Variants in DCC observed in about 807,000 individuals in gnomAD.
DCC encodes netrin receptor DCC.
DCC carries 58 observed loss-of-function variants against 172.5 expected under a neutral mutation model. The ratio of observed to expected loss-of-function variants is 0.34; its 90% CI spans 0.27 to 0.42. DCC has a LOEUF of 0.42. DCC is among the 10% of genes least tolerant of loss of function. The probability of loss-of-function intolerance (pLI) is 1.00; values close to 1 mark genes in which losing one functional copy is unlikely to be tolerated. For synonymous variants in DCC, 709 were observed against 644.5 expected (o/e 1.10, Z -1.52); for missense variants, 1,740 against 1,791.0 (o/e 0.97, Z 0.51).
At chr18:53,074,713 G>A (rs535173253) in intron 7 of DCC, among the ~76,000 whole-genome samples, 1 of 152,004 alleles carries the variant, frequency 6.6e-6, no homozygotes, top group Non-Finnish European at 1.5e-5. Flanking sequence ...ATCTAAGTTT[G>A]GCATAAAGCA....
chr18:52,923,756 A>G lies in DCC; in HGVS notation c.747A>G (p.Val249=). The G allele has an allele frequency of 6.2e-7, 1 of 1,610,612 alleles. No individual in the cohort carries two copies. The highest frequency in any genetic ancestry group is 8.5e-7 in the Non-Finnish European group (1 of 1,177,010). ...QLYFLQRPSN[V]VAIEGKDAVL... ...ATTTTCTGCAAAGACCATCCAATGTAGTAGCCATTGAAGGAAAAGATGCTG... is the reference window on the plus strand; with the variant it reads ...ATTTTCTGCAAAGACCATCCAATGTGGTAGCCATTGAAGGAAAAGATGCTG... The change falls in exon 4 of 29, where the codon GTA becomes GTG. Residue 249 remains valine, a synonymous_variant. Coordinates refer to ENST00000442544, the MANE Select transcript of DCC (RefSeq NM_005215.4).
At chr18:52,356,782 T>C (rs1984383258) in intron 1 of DCC, among the ~76,000 whole-genome samples, 1 of 107,752 alleles carries the variant, frequency 9.3e-6, no homozygotes. Flanking sequence ...CTGGAAAACC[T>C]AAATCATTTT....
chr18:53,117,320 T>G (rs1260471631), intron 7 of DCC, among the ~76,000 whole-genome samples: 1 of 151,762 alleles, frequency 6.6e-6, no homozygotes, highest in African/African-American at 2.4e-5. Context: ...AAGCAGCAAG[T>G]TTCACTTGCT....
At chr18:53,040,821 A>G (rs1455428396) in intron 5 of DCC, among the ~76,000 whole-genome samples, 1 of 151,980 alleles carries the variant, frequency 6.6e-6, no homozygotes, top group Middle Eastern at 3.2e-3. Flanking sequence ...AAAACCCACC[A>G]GGGAGCTGCA....
At chr18:52,491,852 C>T (rs2030517637) in intron 1 of DCC, among the ~76,000 whole-genome samples, 1 of 151,928 alleles carries the variant, frequency 6.6e-6, no homozygotes, top group Non-Finnish European at 1.5e-5. Context: ...TTAGTGGAAA[C>T]TGGGATGTTT....
intron 5 of DCC, among the ~76,000 whole-genome samples, chr18:52,998,878 A>G (rs2041523215): frequency 6.6e-6 from 1 of 152,018 alleles, no homozygotes; most frequent in Non-Finnish European, 1.5e-5. Flanking sequence ...CTGAATTAGC[A>G]ATTAAATCGT....
chr18:52,855,809 A>G (rs1488016564), intron 2 of DCC, among the ~76,000 whole-genome samples: 4 of 128,828 alleles, frequency 3.1e-5, no homozygotes, highest in African/African-American at 1.1e-4. Context: ...CTTGTTGCCC[A>G]GACTGGAGTA....
intron 3 of DCC, among the ~76,000 whole-genome samples, chr18:52,909,914 G>A (rs569657304): frequency 6.6e-6 from 1 of 152,228 alleles, no homozygotes; most frequent in South Asian, 2.1e-4. Flanking sequence ...TACTAGCTAG[G>A]CAAAGAGAAG....
chr18:53,205,940 A>G (rs2055619249), intron 10 of DCC, among the ~76,000 whole-genome samples: 1 of 151,852 alleles, frequency 6.6e-6, no homozygotes, highest in Non-Finnish European at 1.5e-5. Context: ...ACTAAAAGTA[A>G]AAAGGTCTTT....
chr18:52,866,129 A>G (rs774603390), intron 2 of DCC, among the ~76,000 whole-genome samples: 26 of 152,118 alleles, frequency 1.7e-4, no homozygotes, highest in East Asian at 5.8e-4. Context: ...GATTTTCCCA[A>G]TGCTATTTAT....
intron 1 of DCC, among the ~76,000 whole-genome samples, chr18:52,487,808 CTCAAA>C: frequency 2.4e-5 from 1 of 40,974 alleles, no homozygotes. Context: ...GAGACTCCAC[CTCAAA>C]AAAAAAAAAA....
At chr18:52,975,383 CA>C (rs2041100400) in intron 5 of DCC, among the ~76,000 whole-genome samples, 1 of 152,066 alleles carries the variant, frequency 6.6e-6, no homozygotes. Flanking sequence ...ATTCTAAGTT[CA>C]GGGGTACTCG....
Position 52,372,121 on chromosome 18 carries a change from T to C in DCC, c.91+31243T>C, listed in dbSNP as rs1598870286. ...AGCCAGTGAGTATTGGGGTGAACAA[T>C]GCTTTAGTTATGCCCTCTTCTTTTG... is the stretch of plus-strand genomic sequence containing the variant. On this transcript the variant is annotated intron_variant, in intron 1 of 28. Transcript: ENST00000442544. 2.0e-5 allele frequency among the ~76,000 whole-genome samples: 3 copies of C among 152,348 alleles called. No homozygotes were observed. In the East Asian group the frequency reaches 5.8e-4, roughly 29 times the overall value.
At chr18:52,353,680 C>T (rs1984231573) in intron 1 of DCC, among the ~76,000 whole-genome samples, 1 of 152,200 alleles carries the variant, frequency 6.6e-6, no homozygotes, top group Non-Finnish European at 1.5e-5. Context: ...TTTTGCTCTG[C>T]ACTGCCTGGC....
intron 5 of DCC, among the ~76,000 whole-genome samples, chr18:52,933,613 G>A (rs2040340508): frequency 1.3e-5 from 2 of 152,024 alleles, no homozygotes; most frequent in African/African-American, 4.8e-5. Flanking sequence ...TGCTCATGTG[G>A]TTAGATTTAT....
intron 21 of DCC, among the ~76,000 whole-genome samples, chr18:53,422,628 A>G (rs1349240065): frequency 6.6e-6 from 1 of 152,170 alleles, no homozygotes; most frequent in Non-Finnish European, 1.5e-5. Context: ...TTTACACCTC[A>G]GCAGTTTTAA....
chr18:53,300,466 T>C (rs986207983), intron 12 of DCC, among the ~76,000 whole-genome samples: 4 of 152,140 alleles, frequency 2.6e-5, no homozygotes, highest in African/African-American at 9.7e-5. Flanking sequence ...CAGAGTGGAG[T>C]GCTGAAGCAC....
intron 1 of DCC, among the ~76,000 whole-genome samples, chr18:52,616,054 C>T (rs989964942): frequency 6.6e-6 from 1 of 152,014 alleles, no homozygotes; most frequent in Non-Finnish European, 1.5e-5. Flanking sequence ...ACTGAATTCC[C>T]ATATTACTAG....
chr18:52,340,641 G>A lies in DCC; in HGVS notation c.-147G>A. On this transcript the variant is annotated 5_prime_UTR_variant, in exon 1 of 29. Coordinates refer to ENST00000442544, the MANE Select transcript of DCC (RefSeq NM_005215.4). ...GCAGCAGAGGCGCAGGGGAGGTGGA[G>A]AAAGAGGTGGAGGAAGAGGACGAGG... 1 of 760,762 alleles carries A rather than the reference G, an allele frequency of 1.3e-6. No homozygotes were observed. Among genetic ancestry groups the A allele is most frequent in the Non-Finnish European group, 2.4e-6 (1 of 413,404 alleles). The allele number at this position is 760,762 out of a possible 1,614,324, so 47.1% of individuals were successfully genotyped here.
Sources: gnomAD v4.1 joint callset for allele counts (sites outside exome capture counted in the v4.1 genomes callset) on GRCh38, gnomAD v4.1.1 for gene constraint, MANE v1.5 for transcripts, NCBI Gene and HGNC (gene_info 2026-07-23, HGNC 2026-07-21) for gene names.